The following GRK3 variants were observed in gnomAD, a reference collection of about 807,000 sequenced individuals.
The protein encoded by GRK3 is G protein-coupled receptor kinase 3, also known as adrenergic, beta, receptor kinase 2.
GRK3 carries 54 observed loss-of-function variants against 95.7 expected under a neutral mutation model. The observed-to-expected ratio is 0.56, with a 90% confidence interval of 0.45 to 0.71. The LOEUF (loss-of-function observed/expected upper bound fraction) is 0.71, where lower values mean the gene tolerates loss of function less well. Among genes scored for constraint, GRK3 ranks in the 30% least tolerant of loss-of-function variants. The pLI, the probability that GRK3 is intolerant of heterozygous loss-of-function variation, is 0.00. For missense variants in GRK3, 649 were observed against 851.2 expected (o/e 0.76, Z 2.96); for synonymous variants, 281 against 290.8 (o/e 0.97, Z 0.34).
At chr22:25,689,656 T>C (rs1053153940) in intron 11 of GRK3, among the ~76,000 whole-genome samples, 1 of 152,226 alleles carries the variant, frequency 6.6e-6, no homozygotes, top group Non-Finnish European at 1.5e-5. Flanking sequence ...ATGTTAATGA[T>C]GTACTAATAA....
intron 1 of GRK3, among the ~76,000 whole-genome samples, chr22:25,599,395 A>G (rs1169600756): frequency 2.0e-5 from 3 of 152,076 alleles, no homozygotes; most frequent in East Asian, 3.9e-4. Flanking sequence ...GATCAAGACC[A>G]TCTTGGCTAA....
At chr22:25,618,956 T>G (rs2084560232) in intron 2 of GRK3, among the ~76,000 whole-genome samples, 1 of 152,222 alleles carries the variant, frequency 6.6e-6, no homozygotes. Context: ...AAAACAGTTA[T>G]TTCATAGAAC....
intron 1 of GRK3, 132 bp downstream of exon 1, chr22:25,565,285 T>C: frequency 2.3e-6 from 1 of 432,800 alleles, no homozygotes; most frequent in Non-Finnish European, 4.1e-6. Context: ...GAGCGGGCGA[T>C]GCGGGGCCGG....
At chr22:25,575,259 T>C (rs1304271308) in intron 1 of GRK3, among the ~76,000 whole-genome samples, 1 of 152,202 alleles carries the variant, frequency 6.6e-6, no homozygotes, top group Non-Finnish European at 1.5e-5. Flanking sequence ...GGAAACTCCT[T>C]CTTTTGAGAT....
At chr22:25,674,862 T>A (rs575305103) in intron 8 of GRK3, among the ~76,000 whole-genome samples, 1 of 151,942 alleles carries the variant, frequency 6.6e-6, no homozygotes, top group African/African-American at 2.4e-5. Context: ...GGCAGGAGAA[T>A]GGCGTGAACC....
chr22:25,696,929 C>G (rs2085213642), intron 13 of GRK3, among the ~76,000 whole-genome samples: 1 of 152,204 alleles, frequency 6.6e-6, no homozygotes, highest in Admixed American at 6.5e-5. Context: ...TTTATCTAAG[C>G]AAACCAGAGA....
chr22:25,646,712 G>GA (rs1569178040), intron 3 of GRK3, among the ~76,000 whole-genome samples: 1 of 152,128 alleles, frequency 6.6e-6, no homozygotes, highest in Non-Finnish European at 1.5e-5. Flanking sequence ...GACATCTTAA[G>GA]AAAAATGATT....
chr22:25,699,699 C>CTTT (rs532664312), intron 13 of GRK3, among the ~76,000 whole-genome samples: 3 of 129,242 alleles, frequency 2.3e-5, no homozygotes, highest in South Asian at 2.4e-4. Flanking sequence ...CTTTTCTTTT[C>CTTT]TTTTTTTTTT....
intron 2 of GRK3, among the ~76,000 whole-genome samples, chr22:25,620,001 C>CTT (rs34132299): frequency 0.1 from 10,933 of 104,514 alleles, 809 homozygotes; most frequent in South Asian, 0.13. Flanking sequence ...TTTCCTTTGT[C>CTT]TTTTTTGTGT....
intron 19 of GRK3, among the ~76,000 whole-genome samples, chr22:25,719,635 C>T (rs1276610754): frequency 7.1e-6 from 1 of 140,152 alleles, no homozygotes; most frequent in Non-Finnish European, 1.5e-5. Context: ...GTGAAGAGCC[C>T]AGGGCTTGTC....
chr22:25,580,882 T>TG (rs1569151918), intron 1 of GRK3, among the ~76,000 whole-genome samples: 3 of 152,160 alleles, frequency 2.0e-5, no homozygotes, highest in Non-Finnish European at 2.9e-5. Context: ...TCCAGCACTT[T>TG]GGGTGGCCGA....
At chr22:25,653,493 C>T (rs1391578938) in intron 3 of GRK3, among the ~76,000 whole-genome samples, 1 of 152,146 alleles carries the variant, frequency 6.6e-6, no homozygotes, top group African/African-American at 2.4e-5. Context: ...TTACAAATAA[C>T]TTCAAAGAAT....
intron 2 of GRK3, among the ~76,000 whole-genome samples, chr22:25,636,774 C>G (rs1459689772): frequency 6.6e-6 from 1 of 152,000 alleles, no homozygotes; most frequent in Non-Finnish European, 1.5e-5. Flanking sequence ...TCAGTTTTGC[C>G]TGTTCTAGAA....
chr22:25,648,590 T>C (rs772069001), intron 3 of GRK3: 19 of 1,257,640 alleles, frequency 1.5e-5, no homozygotes, highest in Non-Finnish European at 2.1e-5. Context: ...AAATAAGACA[T>C]GGTAAACTTG....
chr22:25,684,129 C>T (rs560700404), intron 9 of GRK3, among the ~76,000 whole-genome samples: 2 of 152,308 alleles, frequency 1.3e-5, no homozygotes, highest in East Asian at 3.9e-4. Flanking sequence ...TTCCCCAGGC[C>T]CTGTTGTGTC....
chr22:25,567,463 G>A (rs1258689382), intron 1 of GRK3, among the ~76,000 whole-genome samples: 4 of 152,232 alleles, frequency 2.6e-5, no homozygotes, highest in African/African-American at 9.6e-5. Context: ...TGGGGGTTGG[G>A]GAATTTCTAG....
At chr22:25,692,663 A>G (rs2085174393) in intron 12 of GRK3, among the ~76,000 whole-genome samples, 1 of 152,218 alleles carries the variant, frequency 6.6e-6, no homozygotes, top group East Asian at 1.9e-4. Flanking sequence ...ATCTTCACGG[A>G]AAGCCCATGT....
chr22:25,665,379 C>A (rs1212786436), intron 5 of GRK3, among the ~76,000 whole-genome samples: 1 of 152,108 alleles, frequency 6.6e-6, no homozygotes, highest in Non-Finnish European at 1.5e-5. Context: ...CTAAACCATA[C>A]CTCATAATAC....
rs115510302 is a variant in GRK3, at chr22:25,609,678, A to G, written c.190+5225A>G. 6.4e-3 allele frequency among the ~76,000 whole-genome samples: 980 copies of G among 152,218 alleles called. 16 individuals are homozygous for G. Among genetic ancestry groups the G allele is most frequent in the African/African-American group, 0.023 (935 of 41,532 alleles). ...AAGTATGTAAATGTCATTCTCATGT[A>G]TAAAGAACGTGGTAATATAATATTA... On this transcript the variant is annotated intron_variant, in intron 2 of 20. Coordinates refer to ENST00000324198, the MANE Select transcript of GRK3 (RefSeq NM_005160.4).
Sources: allele counts gnomAD v4.1 joint callset (sites outside exome capture counted in the v4.1 genomes callset), GRCh38; gene constraint gnomAD v4.1.1; transcripts MANE v1.5; gene names NCBI Gene and HGNC (gene_info 2026-07-23, HGNC 2026-07-21).